Variants in CHSY1 observed in about 807,000 individuals in gnomAD.
The protein encoded by CHSY1 is N-acetylgalactosaminyl-proteoglycan 3-beta-glucuronosyltransferase 1.
Under a neutral mutation model 59.8 loss-of-function variants are expected in CHSY1, and 13 were observed. The ratio of observed to expected loss-of-function variants is 0.22; its 90% CI spans 0.14 to 0.35. The LOEUF (loss-of-function observed/expected upper bound fraction) is 0.35. Ranked by LOEUF, CHSY1 falls within the 10% of genes least tolerant of loss-of-function variation. The pLI is 1.00. For missense variants in CHSY1, 947 were observed against 1,030.6 expected, an observed-to-expected ratio of 0.92 and a Z score of 1.11; for synonymous variants, 459 against 401.2, an observed-to-expected ratio of 1.14 and a Z score of -1.72.
chr15:101,216,399 C>T (rs537708330), intron 2 of CHSY1, among the ~76,000 whole-genome samples: 1 of 152,206 alleles, frequency 6.6e-6, no homozygotes, highest in Admixed American at 6.5e-5. Context: ...TAGATATTTA[C>T]CCAACTGATT....
intron 2 of CHSY1, among the ~76,000 whole-genome samples, chr15:101,203,075 A>G (rs567164657): frequency 2.4e-4 from 36 of 152,386 alleles, no homozygotes; most frequent in African/African-American, 8.4e-4. Flanking sequence ...TTTCAAGTAA[A>G]CAAACAAGAA....
At position 101,178,291 on chromosome 15, in the gene CHSY1, T is replaced by A; in HGVS notation, c.1506A>T (p.Gly502=). 1 of 1,610,548 alleles carries A rather than the reference T, an allele frequency of 6.2e-7. No individual in the cohort carries two copies. Among genetic ancestry groups the A allele is most frequent in the South Asian group, 1.1e-5 (1 of 91,030 alleles). ...ELAKRINQES[G]SLSFLSNSLK... ...GGGAGTTTGAGAGAAAGGACAAGGA[T>A]CCAGATTCCTGATTGATTCTCTTGG... The change falls in exon 3 of 3, where the codon GGA becomes GGT. Residue 502 remains glycine, a synonymous_variant. Transcript: ENST00000254190.
At chr15:101,234,725 A>G (rs1294387279) in intron 2 of CHSY1, among the ~76,000 whole-genome samples, 1 of 152,116 alleles carries the variant, frequency 6.6e-6, no homozygotes, top group Non-Finnish European at 1.5e-5. Flanking sequence ...AAATTAGCCT[A>G]GCGTGGTGGC....
At chr15:101,250,567 C>T (rs1460619961) in intron 1 of CHSY1, among the ~76,000 whole-genome samples, 2 of 152,216 alleles carry the variant, frequency 1.3e-5, no homozygotes, top group African/African-American at 2.4e-5. Flanking sequence ...CTGCTTTTCC[C>T]CAAGGTTCTC....
At chr15:101,241,208 A>T (rs1483441242) in intron 1 of CHSY1, among the ~76,000 whole-genome samples, 1 of 152,156 alleles carries the variant, frequency 6.6e-6, no homozygotes, top group Non-Finnish European at 1.5e-5. Flanking sequence ...CTCCTGCCTC[A>T]GCCTCCCGAG....
At chr15:101,239,816 C>A (rs576150245) in intron 1 of CHSY1, among the ~76,000 whole-genome samples, 2 of 151,838 alleles carry the variant, frequency 1.3e-5, no homozygotes, top group Non-Finnish European at 2.9e-5. Context: ...GAGCATTTCG[C>A]GGTAGAGCAC....
chr15:101,198,622 G>A (rs1228927117), intron 2 of CHSY1, among the ~76,000 whole-genome samples: 1 of 152,072 alleles, frequency 6.6e-6, no homozygotes, highest in African/African-American at 2.4e-5. Flanking sequence ...ATCTCACTGC[G>A]GAGAAAGCGT....
intron 2 of CHSY1, among the ~76,000 whole-genome samples, chr15:101,196,813 C>CAGG (rs1428053217): frequency 2.0e-5 from 3 of 152,140 alleles, no homozygotes; most frequent in Non-Finnish European, 4.4e-5. Context: ...CGCTAGAGCT[C>CAGG]AGGAGCTCGA....
chr15:101,203,380 GTCAT>G (rs2038592601), intron 2 of CHSY1, among the ~76,000 whole-genome samples: 1 of 152,136 alleles, frequency 6.6e-6, no homozygotes, highest in South Asian at 2.1e-4. Flanking sequence ...CACAACTACA[GTCAT>G]TCAAACTACT....
In CHSY1 at chr15:101,251,816, C is replaced by G. The variant is rs370616224; in HGVS notation, c.-360G>C. 6.7e-6 allele frequency: 1 copy of G among 150,136 alleles called. No individual in the cohort carries two copies. Among genetic ancestry groups the G allele is most frequent in the East Asian group, 2.0e-4 (1 of 5,072 alleles). 9.3% of individuals were successfully genotyped at this position (150,136 alleles called of 1,614,324 possible). A position where few individuals can be genotyped will look rare whatever the true frequency, so the allele number is the denominator to read the frequency against. On this transcript the variant is annotated 5_prime_UTR_variant, in exon 1 of 3. Transcript: ENST00000254190. ...GCGGCGGCAGACGAGTCCGGGCTCC[C>G]GTCCCGCCCTGCCCGCGTCCTCCGG... is the stretch of plus-strand genomic sequence containing the variant.
intron 2 of CHSY1, among the ~76,000 whole-genome samples, chr15:101,217,101 T>C (rs907527621): frequency 1.3e-5 from 2 of 152,212 alleles, no homozygotes; most frequent in African/African-American, 4.8e-5. Context: ...GCTGAAGTTG[T>C]TTCCCAAAGA....
chr15:101,244,847 T>A (rs894465568), intron 1 of CHSY1, among the ~76,000 whole-genome samples: 3 of 152,196 alleles, frequency 2.0e-5, no homozygotes, highest in African/African-American at 4.8e-5. Context: ...TCAATTTTGG[T>A]CCTTATCTCC....
Position 101,177,683 on chromosome 15 carries a change from C to A in CHSY1, c.2114G>T (p.Arg705Leu). 6.2e-7 allele frequency: 1 copy of A among 1,614,100 alleles called. No homozygotes were observed. The highest frequency in any genetic ancestry group is 8.5e-7 in the Non-Finnish European group (1 of 1,180,020). ...GATGGAAACATCAAAGCCACCCACT[C>A]GGACAAGATCTCCCTTATAAATACA... is the stretch of plus-strand genomic sequence containing the variant. ...ITCIYKGDLV[R>L]VGGFDVSIQG... Residue 705 changes from arginine to leucine, a missense_variant, in exon 3 of 3, where the codon CGA (arginine) becomes CTA (leucine). Physicochemically the swap from Arg to Leu is moderately radical, Grantham distance 102. Transcript: ENST00000254190.
At chr15:101,207,970 T>C (rs1037502336) in intron 2 of CHSY1, among the ~76,000 whole-genome samples, 3 of 152,168 alleles carry the variant, frequency 2.0e-5, no homozygotes, top group East Asian at 1.9e-4. Context: ...TTGAGTCACA[T>C]AGGGAAGGCA....
chr15:101,250,068 C>G (rs991606220), intron 1 of CHSY1, among the ~76,000 whole-genome samples: 1 of 152,142 alleles, frequency 6.6e-6, no homozygotes, highest in Non-Finnish European at 1.5e-5. Context: ...AAAAATCTGA[C>G]CAAGACTGCA....
intron 2 of CHSY1, among the ~76,000 whole-genome samples, chr15:101,213,176 A>T (rs143309537): frequency 1.5e-4 from 23 of 152,294 alleles, no homozygotes; most frequent in African/African-American, 5.3e-4. Context: ...TATAAATCTA[A>T]ATAAAAATCA....
At chr15:101,224,991 C>T (rs1229197751) in intron 2 of CHSY1, among the ~76,000 whole-genome samples, 5 of 152,242 alleles carry the variant, frequency 3.3e-5, no homozygotes, top group African/African-American at 9.6e-5. Flanking sequence ...ACCCAGTCAC[C>T]TTTACAGAAG....
chr15:101,218,557 G>A (rs899276653), intron 2 of CHSY1, among the ~76,000 whole-genome samples: 1 of 152,228 alleles, frequency 6.6e-6, no homozygotes, highest in African/African-American at 2.4e-5. Flanking sequence ...GGAGGTTGCA[G>A]TGAGCTGAGA....
intron 2 of CHSY1, among the ~76,000 whole-genome samples, chr15:101,233,125 C>T (rs2038907416): frequency 6.6e-6 from 1 of 152,190 alleles, no homozygotes; most frequent in African/African-American, 2.4e-5. Flanking sequence ...TCATTCCATG[C>T]ACCCCTTCGC....
Sources: gnomAD v4.1 joint callset for allele counts (sites outside exome capture counted in the v4.1 genomes callset) on GRCh38, gnomAD v4.1.1 for gene constraint, MANE v1.5 for transcripts, NCBI Gene and HGNC (gene_info 2026-07-23, HGNC 2026-07-21) for gene names.